PLEKHH2: variants seen among roughly 807,000 people sequenced by gnomAD.
PLEKHH2 encodes the protein pleckstrin homology domain-containing family H member 2.
PLEKHH2 carries 129 observed loss-of-function variants against 187.9 expected under a neutral mutation model. The ratio of observed to expected loss-of-function variants is 0.69; its 90% CI spans 0.59 to 0.79. PLEKHH2 has a LOEUF of 0.79. Among genes scored for constraint, PLEKHH2 ranks in the 30% least tolerant of loss-of-function variants. The pLI, the probability that PLEKHH2 is intolerant of heterozygous loss-of-function variation, is 0.00. For synonymous variants in PLEKHH2, 686 were observed against 605.6 expected (o/e 1.13, Z -1.95); for missense variants, 2,076 against 1,751.2 (o/e 1.19, Z -3.31).
intron 23 of PLEKHH2, 105 bp downstream of exon 23, chr2:43,744,094 A>G: frequency 6.8e-7 from 1 of 1,480,704 alleles, no homozygotes; most frequent in Non-Finnish European, 8.9e-7. Flanking sequence ...GAGTTTTCCA[A>G]AACTTTAACC....
At chr2:43,729,284 A>G (rs566442233) in intron 17 of PLEKHH2, among the ~76,000 whole-genome samples, 1 of 152,316 alleles carries the variant, frequency 6.6e-6, no homozygotes, top group Admixed American at 6.5e-5. Context: ...AATATTCTGT[A>G]TGTATCACTC....
Position 43,743,804 on chromosome 2 carries a change from T to G in PLEKHH2, c.3400-30T>G, listed in dbSNP as rs553296417. 6 of 1,581,280 alleles carry G rather than the reference T, an allele frequency of 3.8e-6. No individual in the cohort carries two copies. The South Asian group carries it at 5.7e-5, about 15-fold the overall frequency. On this transcript the variant is annotated intron_variant, in intron 22 of 29. Transcript: ENST00000282406. ...CAGTTTGAAACTATATATTTCTTATTAAGAGAACTGCTTTGTTATTTCTGT... is the reference window on the plus strand; with the variant it reads ...CAGTTTGAAACTATATATTTCTTATGAAGAGAACTGCTTTGTTATTTCTGT...
At chr2:43,711,053 A>G in intron 14 of PLEKHH2, 1 of 988,316 alleles carries the variant, frequency 1.0e-6, no homozygotes, top group Non-Finnish European at 1.2e-6. Context: ...GCTGCCAAGC[A>G]AGTCACACTG....
intron 3 of PLEKHH2, 53 bp downstream of exon 3, chr2:43,678,978 A>T: frequency 8.0e-7 from 1 of 1,244,362 alleles, no homozygotes; most frequent in Admixed American, 1.8e-5. Context: ...TCACATAAAG[A>T]TTGTTTTGCT....
intron 2 of PLEKHH2, among the ~76,000 whole-genome samples, chr2:43,645,849 C>G (rs1666158021): frequency 6.6e-6 from 1 of 152,166 alleles, no homozygotes; most frequent in African/African-American, 2.4e-5. Context: ...GAAGAACTTA[C>G]AGGTGGTTTC....
chr2:43,720,749 G>A lies in PLEKHH2; in HGVS notation c.2541G>A (p.Lys847=). The A allele has an allele frequency of 6.2e-7, 1 of 1,600,818 alleles. No homozygotes were observed. Among genetic ancestry groups the A allele is most frequent in the East Asian group, 2.3e-5 (1 of 44,350 alleles). ...ATTATTTTCGGAGTCAAGAAGATAAGGTATGTATGTATTTTTAATATGCCA... is the reference window on the plus strand; with the variant it reads ...ATTATTTTCGGAGTCAAGAAGATAAAGTATGTATGTATTTTTAATATGCCA... The part of the protein sequence containing the change: ...TLYYFRSQED[K]FPLGQIKLWE... Residue 847 remains lysine (K), a splice_region_variant and synonymous_variant, in exon 16 of 30, where the codon AAG becomes AAA. Transcript: ENST00000282406.
At chr2:43,748,239 T>G (rs1179818799) in intron 24 of PLEKHH2, among the ~76,000 whole-genome samples, 1 of 152,206 alleles carries the variant, frequency 6.6e-6, no homozygotes, top group Non-Finnish European at 1.5e-5. Flanking sequence ...AATAAGAAAG[T>G]GACTATTAAT....
chr2:43,763,550 G>T (rs1382237240), intron 28 of PLEKHH2, among the ~76,000 whole-genome samples: 1 of 151,086 alleles, frequency 6.6e-6, no homozygotes, highest in Non-Finnish European at 1.5e-5. Context: ...CTCCCAAGTA[G>T]CTGGGACCAC....
intron 2 of PLEKHH2, chr2:43,676,383 C>T: frequency 7.2e-7 from 1 of 1,382,448 alleles, no homozygotes; most frequent in Non-Finnish European, 9.8e-7. Flanking sequence ...GTCCTGGGGT[C>T]CCGCGCCTTC....
At position 43,743,834 on chromosome 2, in the gene PLEKHH2, G is replaced by A. The variant is rs1414495678; in HGVS notation, c.3400G>A (p.Val1134Ile). 3.7e-6 allele frequency: 6 copies of A among 1,611,178 alleles called. No homozygotes were observed. Among genetic ancestry groups the A allele is most frequent in the Non-Finnish European group, 5.1e-6 (6 of 1,177,826 alleles). The change falls in exon 23 of 30, where the codon GTA (valine) becomes ATA (isoleucine). Residue 1134 changes from valine to isoleucine, a missense_variant and splice_region_variant. By Grantham distance (29) the Val-to-Ile change is conservative. Coordinates refer to ENST00000282406, the MANE Select transcript of PLEKHH2 (RefSeq NM_172069.4). ...PVHFMNGIYQVVGFDASTTVE... is the reference protein window; with the variant it reads ...PVHFMNGIYQIVGFDASTTVE... ...GAACTGCTTTGTTATTTCTGTCTAG[G>A]TAGTTGGTTTTGACGCATCTACCAC...
intron 15 of PLEKHH2, among the ~76,000 whole-genome samples, chr2:43,715,598 A>AG (rs1670175372): frequency 6.6e-6 from 1 of 152,184 alleles, no homozygotes; most frequent in Admixed American, 6.5e-5. Flanking sequence ...AAAAGAGAGG[A>AG]GAGGATGAAT....
intron 11 of PLEKHH2, among the ~76,000 whole-genome samples, chr2:43,707,969 A>G (rs1669745013): frequency 6.6e-6 from 1 of 152,228 alleles, no homozygotes; most frequent in African/African-American, 2.4e-5. Flanking sequence ...TATGTCTATG[A>G]TTTTTAGTGG....
chr2:43,764,339 T>G lies in PLEKHH2; in HGVS notation c.4270T>G (p.Leu1424Val), dbSNP rs1672542478. 2 of 1,612,748 alleles carry G rather than the reference T, an allele frequency of 1.2e-6. No homozygotes were observed. Among genetic ancestry groups the G allele is most frequent in the Non-Finnish European group, 8.5e-7 (1 of 1,179,382 alleles). Reference sequence around the variant, plus strand: ...TTCAAAGGACAAACCAACAGAGAAATTACTTTTTGCCATGGCAAAACCCAA... The same window carrying G: ...TTCAAAGGACAAACCAACAGAGAAAGTACTTTTTGCCATGGCAAAACCCAA... ...THSKDKPTEK[L>V]LFAMAKPKIL... is the part of the protein sequence containing the mutation. Residue 1424 changes from leucine (L) to valine (V), a missense_variant, in exon 29 of 30, where the codon TTA becomes GTA. Transcript: ENST00000282406.
At chr2:43,691,929 T>TA (rs1668818332) in intron 3 of PLEKHH2, among the ~76,000 whole-genome samples, 1 of 152,212 alleles carries the variant, frequency 6.6e-6, no homozygotes, top group Non-Finnish European at 1.5e-5. Context: ...TCAGTGAATA[T>TA]TTGTTAAATG....
chr2:43,675,292 T>G, intron 2 of PLEKHH2: 2 of 864,302 alleles, frequency 2.3e-6, no homozygotes, highest in Non-Finnish European at 3.4e-6. Context: ...GAAGTACGTA[T>G]TTTACACTTA....
At chr2:43,723,444 T>C (rs147233583) in intron 16 of PLEKHH2, among the ~76,000 whole-genome samples, 19 of 152,240 alleles carry the variant, frequency 1.2e-4, no homozygotes, top group Non-Finnish European at 1.2e-4. Flanking sequence ...CAAAGAGACT[T>C]GGGCTGGGGT....
At chr2:43,670,244 A>C (rs1350338329) in intron 2 of PLEKHH2, among the ~76,000 whole-genome samples, 1 of 152,228 alleles carries the variant, frequency 6.6e-6, no homozygotes, top group Non-Finnish European at 1.5e-5. Context: ...TGTTTCAGAT[A>C]TCAAGGAAAG....
At chr2:43,672,037 A>G (rs1667520540) in intron 2 of PLEKHH2, among the ~76,000 whole-genome samples, 1 of 152,216 alleles carries the variant, frequency 6.6e-6, no homozygotes, top group African/African-American at 2.4e-5. Flanking sequence ...AAGTGAAACC[A>G]TCTAGTCCTG....
intron 2 of PLEKHH2, among the ~76,000 whole-genome samples, chr2:43,671,747 T>C (rs757269816): frequency 2.0e-5 from 3 of 152,244 alleles, no homozygotes; most frequent in Non-Finnish European, 4.4e-5. Flanking sequence ...CATGGTGAAC[T>C]ACATTGGTTT....
Sources: allele counts gnomAD v4.1 joint callset (sites outside exome capture counted in the v4.1 genomes callset), GRCh38; gene constraint gnomAD v4.1.1; transcripts MANE v1.5; gene names NCBI Gene and HGNC (gene_info 2026-07-23, HGNC 2026-07-21).